PCDHA2: variants seen among roughly 807,000 people sequenced by gnomAD.
PCDHA2 encodes protocadherin alpha-2.
In PCDHA2, 58 loss-of-function variants were observed where a neutral mutation model predicts 66.0. The observed-to-expected ratio is 0.88, with a 90% CI of 0.71 to 1.09. The LOEUF (loss-of-function observed/expected upper bound fraction) is 1.09. PCDHA2 is among the 50% of genes least tolerant of loss of function. The probability of loss-of-function intolerance (pLI) is 0.00; values close to 1 mark genes in which losing one functional copy is unlikely to be tolerated. For synonymous variants in PCDHA2, 634 were observed against 554.0 expected (o/e 1.14, Z -2.03); for missense variants, 1,267 against 1,242.3 (o/e 1.02, Z -0.30).
intron 1 of PCDHA2, chr5:140,824,631 T>TTTTTTTTTTTTG (rs1768292344): frequency 8.2e-6 from 1 of 121,430 alleles, no homozygotes. Flanking sequence ...TTTTTTTTTT[T>TTTTTTTTTTTTG]TATTTTCTGT....
At position 140,969,430 on chromosome 5, in the gene PCDHA2, A is replaced by T. The variant is rs1554231789; in HGVS notation, c.2389-9519A>T. 4 of 1,554,706 alleles carry T rather than the reference A, an allele frequency of 2.6e-6. No homozygotes were observed. The Admixed American group carries it at 7.8e-5, about 30-fold the overall frequency. ...CTTTATTGAGTCATTAACAGTGACA[A>T]GAGTTATCTGGTAAACTGAGTATAT... On this transcript the variant is annotated intron_variant, in intron 1 of 3. Transcript: ENST00000526136.
chr5:140,807,238 A>C, intron 1 of PCDHA2: 1 of 1,614,128 alleles, frequency 6.2e-7, no homozygotes, highest in African/African-American at 1.3e-5. Context: ...TGCTGCTCTT[A>C]CTTCTTCTCC....
intron 1 of PCDHA2, among the ~76,000 whole-genome samples, chr5:140,943,064 C>T (rs1352675515): frequency 1.3e-5 from 2 of 151,818 alleles, no homozygotes; most frequent in African/African-American, 4.8e-5. Context: ...CAAGAACAGC[C>T]TGACCAACAT....
chr5:140,843,875 G>A (rs1044145588), intron 1 of PCDHA2: 18 of 764,320 alleles, frequency 2.4e-5, no homozygotes, highest in Middle Eastern at 3.9e-4. Context: ...TTTCTCAGTG[G>A]CATAATACAG....
Position 141,009,998 on chromosome 5 carries a change from T to A in PCDHA2, c.*61T>A. On this transcript the variant is annotated 3_prime_UTR_variant, in exon 4 of 4. Transcript: ENST00000526136. ...TTGTAATAATGGCAAATCTCTCCCA[T>A]GTAGCAATTCCCTGCTCCTTTTTCC... 1 of 1,575,994 alleles carries A rather than the reference T, an allele frequency of 6.3e-7. No individual in the cohort carries two copies. Among genetic ancestry groups the A allele is most frequent in the Non-Finnish European group, 8.6e-7 (1 of 1,164,944 alleles).
chr5:140,857,108 C>G (rs1562518295), intron 1 of PCDHA2: 2 of 1,597,858 alleles, frequency 1.3e-6, no homozygotes, highest in Non-Finnish European at 1.7e-6. Flanking sequence ...TGTCACTTCT[C>G]TGTCTCTCCC....
chr5:140,927,702 C>A lies in PCDHA2; in HGVS notation c.2389-51247C>A, dbSNP rs533775539. ...AAGGGTCCAATGGGGAAGTCCAGTACTCCCTAAGCAACAGCACGCAAGCAG... is the reference window on the plus strand; with the variant it reads ...AAGGGTCCAATGGGGAAGTCCAGTAATCCCTAAGCAACAGCACGCAAGCAG... On this transcript the variant is annotated intron_variant, in intron 1 of 3. Coordinates refer to ENST00000526136, the MANE Select transcript of PCDHA2 (RefSeq NM_018905.3). 6.8e-6 allele frequency: 11 copies of A among 1,614,092 alleles called. 1 individual carries two copies. The South Asian group carries it at 1.2e-4, about 18-fold the overall frequency.
chr5:140,805,867 T>C (rs1763642832), intron 1 of PCDHA2, among the ~76,000 whole-genome samples: 1 of 152,174 alleles, frequency 6.6e-6, no homozygotes, highest in South Asian at 2.1e-4. Context: ...ATTAATGCAT[T>C]TTATTAGGCA....
At position 140,876,152 on chromosome 5, in the gene PCDHA2, A is replaced by G; in HGVS notation, c.2388+78800A>G. ...AAACCAGAACTAACAGGGTCTGTCC[A>G]GATTCAAATAACCGTCCTGGATGTG... is the stretch of plus-strand genomic sequence containing the variant. On this transcript the variant is annotated intron_variant, in intron 1 of 3. Transcript: ENST00000526136. 1 of 1,613,982 alleles carries G rather than the reference A, an allele frequency of 6.2e-7. No individual in the cohort carries two copies. The highest frequency in any genetic ancestry group is 1.3e-5 in the African/African-American group (1 of 75,068).
chr5:140,944,857 A>G (rs1288221644), intron 1 of PCDHA2, among the ~76,000 whole-genome samples: 1 of 152,078 alleles, frequency 6.6e-6, no homozygotes, highest in Non-Finnish European at 1.5e-5. Context: ...AATCATCCTT[A>G]TTTATCTTAA....
intron 1 of PCDHA2, 110 bp downstream of exon 1, chr5:140,797,462 C>G: frequency 6.3e-6 from 8 of 1,265,180 alleles, no homozygotes; most frequent in Non-Finnish European, 8.8e-6. Flanking sequence ...TTTATATCAT[C>G]CTACCGTGCG....
At chr5:140,850,745 C>G in intron 1 of PCDHA2, 1 of 1,597,954 alleles carries the variant, frequency 6.3e-7, no homozygotes, top group Non-Finnish European at 8.6e-7. Context: ...GTTGGTCGTA[C>G]TCGCAGCAGA....
At chr5:140,976,724 T>C (rs372662527) in intron 1 of PCDHA2, among the ~76,000 whole-genome samples, 6 of 152,202 alleles carry the variant, frequency 3.9e-5, no homozygotes, top group African/African-American at 1.4e-4. Flanking sequence ...AGTTCATTTA[T>C]TTAAACACAT....
In PCDHA2 at chr5:140,803,590, A is replaced by C. The variant is rs376686641; in HGVS notation, c.2388+6238A>C. 42 of 1,614,072 alleles carry C rather than the reference A, an allele frequency of 2.6e-5. 1 individual carries two copies. The highest frequency in any genetic ancestry group is 2.0e-4 in the East Asian group (9 of 44,886). On this transcript the variant is annotated intron_variant, in intron 1 of 3. Coordinates refer to ENST00000526136, the MANE Select transcript of PCDHA2 (RefSeq NM_018905.3). Reference sequence around the variant, plus strand: ...GATGTGGACGTTGATCTCTCAGCCAAAGTGAGTAATTTTTATTTATTCTTT... The same window carrying C: ...GATGTGGACGTTGATCTCTCAGCCACAGTGAGTAATTTTTATTTATTCTTT...
chr5:140,952,221 C>T (rs991982346), intron 1 of PCDHA2, among the ~76,000 whole-genome samples: 1 of 151,940 alleles, frequency 6.6e-6, no homozygotes, highest in Non-Finnish European at 1.5e-5. Flanking sequence ...TTTCCAGGCA[C>T]AGTGTGCAAG....
chr5:140,970,967 G>C (rs2096448125), intron 1 of PCDHA2, among the ~76,000 whole-genome samples: 2 of 152,206 alleles, frequency 1.3e-5, no homozygotes, highest in Non-Finnish European at 2.9e-5. Context: ...GCAGATTGTA[G>C]ATTAAGAAAA....
At chr5:140,798,934 T>G (rs1762377645) in intron 1 of PCDHA2, among the ~76,000 whole-genome samples, 1 of 152,216 alleles carries the variant, frequency 6.6e-6, no homozygotes, top group African/African-American at 2.4e-5. Context: ...AGAAATAACT[T>G]CCACTAGTGA....
rs1554163586 is a variant in PCDHA2, at chr5:140,869,907, C to T, written c.2388+72555C>T. ...TTGTGCTCAAACTAAACGCCACAGA[C>T]CGAGACGAAGGAGTCAATGGAGAGG... is the stretch of plus-strand genomic sequence containing the variant. On this transcript the variant is annotated intron_variant, in intron 1 of 3. Transcript: ENST00000526136. 1.9e-6 allele frequency: 3 copies of T among 1,610,738 alleles called. No individual in the cohort carries two copies. The East Asian group carries it at 6.7e-5, about 36-fold the overall frequency.
At chr5:140,963,204 A>G (rs2095745825) in intron 1 of PCDHA2, among the ~76,000 whole-genome samples, 1 of 152,104 alleles carries the variant, frequency 6.6e-6, no homozygotes, top group African/African-American at 2.4e-5. Flanking sequence ...ATGAAAAAAA[A>G]AACCTCGTGT....
Sources: allele counts gnomAD v4.1 joint callset (sites outside exome capture counted in the v4.1 genomes callset), GRCh38; gene constraint gnomAD v4.1.1; transcripts MANE v1.5; gene names NCBI Gene and HGNC (gene_info 2026-07-23, HGNC 2026-07-21).